Variants in PTPRD observed in about 807,000 individuals in gnomAD.
PTPRD encodes receptor-type tyrosine-protein phosphatase delta.
In PTPRD, 34 loss-of-function variants were observed where a neutral mutation model predicts 214.5. That is an observed-to-expected ratio of 0.16 (90% CI 0.12 to 0.21). The LOEUF is 0.21. Ranked by LOEUF, PTPRD falls within the 10% of genes least tolerant of loss-of-function variation. PTPRD has a pLI of 1.00. For synonymous variants in PTPRD, 1,128 were observed against 845.7 expected (o/e 1.33, Z -5.79); for missense variants, 2,545 against 2,398.7 (o/e 1.06, Z -1.27).
At chr9:8,767,813 A>ACCC (rs1269986973) in intron 11 of PTPRD, among the ~76,000 whole-genome samples, 17 of 152,320 alleles carry the variant, frequency 1.1e-4, no homozygotes, top group Admixed American at 7.2e-4. Context: ...ATTCCAATGT[A>ACCC]TAACTTAAGT....
chr9:10,474,599 T>C (rs1388293767), intron 2 of PTPRD, among the ~76,000 whole-genome samples: 1 of 152,090 alleles, frequency 6.6e-6, no homozygotes, highest in Non-Finnish European at 1.5e-5. Context: ...TTAACAAGGA[T>C]GTTCAAGACT....
intron 5 of PTPRD, among the ~76,000 whole-genome samples, chr9:9,838,497 A>C (rs2153628578): frequency 6.6e-6 from 1 of 152,048 alleles, no homozygotes; most frequent in African/African-American, 2.4e-5. Flanking sequence ...TGTGGTTTTG[A>C]TTTGCATTTC....
intron 3 of PTPRD, among the ~76,000 whole-genome samples, chr9:10,066,531 G>C (rs2097888733): frequency 6.6e-6 from 1 of 151,820 alleles, no homozygotes; most frequent in African/African-American, 2.4e-5. Flanking sequence ...CATGGAATAA[G>C]CTGAAATGGA....
chr9:10,547,508 T>A (rs1172765438), intron 2 of PTPRD, among the ~76,000 whole-genome samples: 4 of 152,008 alleles, frequency 2.6e-5, no homozygotes, highest in African/African-American at 9.7e-5. Context: ...TAGAGCAACT[T>A]TGACCTGTGA....
At chr9:8,603,502 G>T (rs1490890653) in intron 14 of PTPRD, among the ~76,000 whole-genome samples, 2 of 152,060 alleles carry the variant, frequency 1.3e-5, no homozygotes, top group Non-Finnish European at 2.9e-5. Flanking sequence ...ACTTATTTGA[G>T]AACTTTTTTC....
intron 11 of PTPRD, among the ~76,000 whole-genome samples, chr9:8,915,225 G>C (rs2098776452): frequency 6.6e-6 from 1 of 152,112 alleles, no homozygotes; most frequent in South Asian, 2.1e-4. Context: ...TGACGAGGAG[G>C]CATCATAATG....
At chr9:9,861,424 G>A (rs953287572) in intron 5 of PTPRD, among the ~76,000 whole-genome samples, 1 of 152,102 alleles carries the variant, frequency 6.6e-6, no homozygotes. Context: ...CCGAGTAGCT[G>A]GGACTACAGG....
chr9:9,651,038 G>T (rs374306087), intron 7 of PTPRD, among the ~76,000 whole-genome samples: 4 of 151,930 alleles, frequency 2.6e-5, no homozygotes, highest in Non-Finnish European at 5.9e-5. Context: ...TACCCTTATT[G>T]TATAATAAGG....
chr9:10,419,834 T>A (rs184270455), intron 2 of PTPRD, among the ~76,000 whole-genome samples: 2 of 151,824 alleles, frequency 1.3e-5, no homozygotes, highest in Admixed American at 6.6e-5. Flanking sequence ...TAGTGAGACA[T>A]ATTTTAGTTA....
chr9:8,772,754 CATGAGT>C (rs1402897482), intron 11 of PTPRD, among the ~76,000 whole-genome samples: 3 of 151,532 alleles, frequency 2.0e-5, no homozygotes, highest in East Asian at 1.9e-4. Context: ...TTTTTTTTCT[CATGAGT>C]ATAACTTTTC....
chr9:10,029,424 G>C (rs901130834), intron 4 of PTPRD, among the ~76,000 whole-genome samples: 4 of 152,210 alleles, frequency 2.6e-5, no homozygotes, highest in African/African-American at 7.2e-5. Flanking sequence ...ATGGCAGCTT[G>C]TGAAAGCAGC....
intron 9 of PTPRD, among the ~76,000 whole-genome samples, chr9:9,348,963 G>A (rs552772157): frequency 6.6e-6 from 1 of 152,152 alleles, no homozygotes; most frequent in South Asian, 2.1e-4. Flanking sequence ...TTAATAGGAA[G>A]TAGTGTCTGA....
chr9:9,974,922 A>T (rs1353858168), intron 4 of PTPRD, among the ~76,000 whole-genome samples: 2 of 152,160 alleles, frequency 1.3e-5, no homozygotes, highest in Non-Finnish European at 2.9e-5. Context: ...CTTATTTCTG[A>T]GATATTTATA....
At chr9:9,851,371 T>C (rs1437253656) in intron 5 of PTPRD, among the ~76,000 whole-genome samples, 1 of 152,210 alleles carries the variant, frequency 6.6e-6, no homozygotes, top group Non-Finnish European at 1.5e-5. Context: ...ATAACTGTTA[T>C]ATCTGTTCCA....
At chr9:8,618,916 T>TG (rs2095711217) in intron 14 of PTPRD, among the ~76,000 whole-genome samples, 1 of 748 alleles carries the variant, frequency 1.3e-3, no homozygotes, top group African/African-American at 2.0e-3. Flanking sequence ...GTTTTTTTGT[T>TG]TTTTTTTTTT....
intron 7 of PTPRD, among the ~76,000 whole-genome samples, chr9:9,693,029 T>C (rs1049983438): frequency 2.6e-5 from 4 of 152,226 alleles, no homozygotes; most frequent in South Asian, 4.1e-4. Context: ...GTAGAGTCTT[T>C]AGGATTCTCA....
At chr9:8,704,672 C>T (rs1044325028) in intron 12 of PTPRD, among the ~76,000 whole-genome samples, 2 of 151,144 alleles carry the variant, frequency 1.3e-5, no homozygotes, top group African/African-American at 4.9e-5. Context: ...AGAGATAATG[C>T]AATTTAGATG....
chr9:10,162,003 A>T (rs1017947364), intron 3 of PTPRD, among the ~76,000 whole-genome samples: 12 of 151,598 alleles, frequency 7.9e-5, no homozygotes, highest in Non-Finnish European at 1.3e-4. Flanking sequence ...GAAATGTTTT[A>T]CCCTAGTTAA....
At chr9:10,139,299 G>A (rs1592145602) in intron 3 of PTPRD, among the ~76,000 whole-genome samples, 1 of 150,570 alleles carries the variant, frequency 6.6e-6, no homozygotes, top group South Asian at 2.1e-4. Flanking sequence ...AAAAAAAAAT[G>A]CCCAGGAATA....
Sources: allele counts gnomAD v4.1 joint callset (sites outside exome capture counted in the v4.1 genomes callset), GRCh38; gene constraint gnomAD v4.1.1; transcripts MANE v1.5; gene names NCBI Gene and HGNC (gene_info 2026-07-23, HGNC 2026-07-21).